UTY: variants seen among roughly 807,000 people sequenced by gnomAD.
UTY encodes ubiquitously transcribed tetratricopeptide repeat containing, Y-linked, also known as histone demethylase UTY.
Under a neutral mutation model 32.5 loss-of-function variants are expected in UTY, and 12 were observed. The observed-to-expected ratio is 0.37, with a 90% CI of 0.24 to 0.60. The LOEUF is 0.60. UTY is among the 20% of genes least tolerant of loss of function. UTY has a pLI of 0.69. For synonymous variants in UTY, 131 were observed against 103.4 expected, an observed-to-expected ratio of 1.27 and a Z score of -1.62; for missense variants, 303 against 299.2, an observed-to-expected ratio of 1.01 and a Z score of -0.09.
intron 13 of UTY, 70 bp from the exon 14 acceptor site, chrY:13,358,689 A>G: frequency 4.2e-6 from 1 of 239,025 alleles, no homozygotes; most frequent in East Asian, 1.1e-4. Context: ...AAATTATAAA[A>G]CTTCATATAC....
intron 21 of UTY, among the ~76,000 whole-genome samples, chrY:13,310,374 G>A (rs767081970): frequency 6.1e-5 from 2 of 32,876 alleles, no homozygotes; most frequent in South Asian, 6.8e-4. Context: ...TCAGAAACAC[G>A]TTATAGAAAG....
At chrY:13,282,027 T>C in intron 27 of UTY, among the ~76,000 whole-genome samples, 1 of 33,008 alleles carries the variant, frequency 3.0e-5, no homozygotes, top group Admixed American at 2.8e-4. Flanking sequence ...AAAAAACAAG[T>C]CTTAAAACAT....
intron 17 of UTY, among the ~76,000 whole-genome samples, chrY:13,340,373 C>G (rs1036557644): frequency 2.7e-4 from 9 of 32,936 alleles, no homozygotes; most frequent in East Asian, 7.9e-4. Context: ...AGTCCACCCC[C>G]CCATGCACCA....
chrY:13,299,115 C>A lies in UTY; in HGVS notation c.3710G>T (p.Trp1237Leu). 2.8e-6 allele frequency: 1 copy of A among 354,170 alleles called. No individual in the cohort carries two copies. Among genetic ancestry groups the A allele is most frequent in the Non-Finnish European group, 3.8e-6 (1 of 259,825 alleles). 88.3% of individuals were successfully genotyped at this position (354,170 alleles called of 400,897 possible). Residue 1237 changes from tryptophan (W) to leucine (L), a missense_variant, in exon 26 of 30, where the codon TGG (tryptophan) becomes TTG (leucine). Coordinates refer to ENST00000545955, the MANE Select transcript of UTY (RefSeq NM_001258249.2). ...KNNLNFLMSS[W>L]WPNLEDLYEA... ...ATAAAGATCTTCAAGGTTGGGCCAC[C>A]AAGAACTCATTAAAAAATTCAAATT...
At chrY:13,473,885 G>C (rs1279055095) in intron 2 of UTY, among the ~76,000 whole-genome samples, 3 of 33,371 alleles carry the variant, frequency 9.0e-5, no homozygotes, top group Non-Finnish European at 2.2e-4. Flanking sequence ...ATACATTAAT[G>C]GATCCCTAAA....
At chrY:13,268,208 CAG>C (rs2056008850) in intron 27 of UTY, among the ~76,000 whole-genome samples, 1 of 33,217 alleles carries the variant, frequency 3.0e-5, no homozygotes, top group African/African-American at 1.2e-4. Flanking sequence ...ATATTTCTTG[CAG>C]ACTTTGTTTA....
At chrY:13,352,175 C>T (rs2062452218) in intron 17 of UTY, among the ~76,000 whole-genome samples, 1 of 33,382 alleles carries the variant, frequency 3.0e-5, no homozygotes, top group Non-Finnish European at 7.4e-5. Context: ...ATATTCCTGT[C>T]ACAAAAATAT....
chrY:13,441,627 G>A, intron 4 of UTY, among the ~76,000 whole-genome samples: 1 of 33,535 alleles, frequency 3.0e-5, no homozygotes, highest in African/African-American at 1.2e-4. Flanking sequence ...CCATGGCAAA[G>A]AGAAAATAAA....
chrY:13,292,150 T>C (rs2057793131), intron 27 of UTY, among the ~76,000 whole-genome samples: 1 of 32,905 alleles, frequency 3.0e-5, no homozygotes, highest in Non-Finnish European at 7.5e-5. Context: ...GAAGACATTA[T>C]AAAAGATATT....
intron 4 of UTY, among the ~76,000 whole-genome samples, chrY:13,426,178 T>TA (rs2073245411): frequency 3.5e-5 from 1 of 28,542 alleles, no homozygotes; most frequent in Non-Finnish European, 8.5e-5. Context: ...CACGAATAAA[T>TA]AAAAAAACAA....
intron 7 of UTY, among the ~76,000 whole-genome samples, chrY:13,395,722 T>C (rs1603449564): frequency 3.3e-5 from 1 of 29,966 alleles, no homozygotes; most frequent in East Asian, 8.6e-4. Context: ...CTATGTCCCA[T>C]ATCCCCCATA....
At chrY:13,359,519 A>G in intron 12 of UTY, among the ~76,000 whole-genome samples, 1 of 33,932 alleles carries the variant, frequency 2.9e-5, no homozygotes, top group African/African-American at 1.1e-4. Context: ...AGATAAGCAC[A>G]CTGAAAAAGT....
At chrY:13,347,321 GA>G (rs2061990534) in intron 17 of UTY, among the ~76,000 whole-genome samples, 1 of 33,268 alleles carries the variant, frequency 3.0e-5, no homozygotes, top group Non-Finnish European at 7.4e-5. Flanking sequence ...TAGGATGCAA[GA>G]CATGTTTTTC....
At chrY:13,307,947 TATAA>T (rs2058792918) in intron 21 of UTY, among the ~76,000 whole-genome samples, 1 of 32,568 alleles carries the variant, frequency 3.1e-5, no homozygotes, top group Admixed American at 2.8e-4. Flanking sequence ...ATGGGAAACT[TATAA>T]ATTAAGAATA....
chrY:13,364,059 A>G, intron 10 of UTY, among the ~76,000 whole-genome samples: 1 of 32,499 alleles, frequency 3.1e-5, no homozygotes, highest in Admixed American at 2.8e-4. Flanking sequence ...ATTATTTATC[A>G]TTAACAGAAG....
chrY:13,305,907 T>TA (rs2058650997), intron 23 of UTY, 131 bp downstream of exon 23: 2 of 210,932 alleles, frequency 9.5e-6, no homozygotes. Context: ...CATGTCAACA[T>TA]AAAAAAACAA....
chrY:13,386,787 A>G, intron 8 of UTY, among the ~76,000 whole-genome samples: 1 of 32,827 alleles, frequency 3.0e-5, no homozygotes, highest in Non-Finnish European at 7.5e-5. Context: ...ATCCTAACCA[A>G]CGTCTGACCA....
At chrY:13,420,149 C>T in intron 4 of UTY, among the ~76,000 whole-genome samples, 1 of 33,124 alleles carries the variant, frequency 3.0e-5, no homozygotes, top group Admixed American at 2.7e-4. Context: ...ACACTGTATA[C>T]GTTCATGGCC....
intron 8 of UTY, among the ~76,000 whole-genome samples, chrY:13,386,960 C>T: frequency 3.0e-5 from 1 of 33,429 alleles, no homozygotes; most frequent in Non-Finnish European, 7.4e-5. Context: ...GACTGCGCCA[C>T]TGCCCTCCAA....
Sources: allele counts gnomAD v4.1 joint callset (sites outside exome capture counted in the v4.1 genomes callset), GRCh38; gene constraint gnomAD v4.1.1; transcripts MANE v1.5; gene names NCBI Gene and HGNC (gene_info 2026-07-23, HGNC 2026-07-21).